EDA: variants seen among roughly 807,000 people sequenced by gnomAD.
The protein encoded by EDA is ectodysplasin-A.
In EDA, 2 loss-of-function variants were observed where a neutral mutation model predicts 23.6. The ratio of observed to expected loss-of-function variants is 0.08; its 90% confidence interval spans 0.03 to 0.27. The LOEUF (loss-of-function observed/expected upper bound fraction) is 0.27, where lower values mean the gene tolerates loss of function less well. Ranked by LOEUF, EDA falls within the 10% of genes least tolerant of loss-of-function variation. The probability of loss-of-function intolerance (pLI) is 1.00; values close to 1 mark genes in which losing one functional copy is unlikely to be tolerated. For missense variants in EDA, 229 were observed against 324.2 expected (o/e 0.71, Z 2.26); for synonymous variants, 131 against 132.0 (o/e 0.99, Z 0.05).
At chrX:69,856,215 C>A (rs749501586) in intron 1 of EDA, among the ~76,000 whole-genome samples, 9 of 104,721 alleles carry the variant, frequency 8.6e-5, no homozygotes, top group African/African-American at 2.5e-4. Context: ...CTGCAAATGC[C>A]ATTATTTCAT....
intron 1 of EDA, among the ~76,000 whole-genome samples, chrX:69,713,570 C>G (rs1185760105): frequency 8.9e-6 from 1 of 111,782 alleles, no homozygotes; most frequent in Non-Finnish European, 1.9e-5. Context: ...TCTCCTGTTT[C>G]TACAGTTTTG....
intron 1 of EDA, among the ~76,000 whole-genome samples, chrX:69,827,088 TC>T (rs1032650116): frequency 8.9e-6 from 1 of 112,038 alleles, no homozygotes; most frequent in African/African-American, 3.2e-5. Flanking sequence ...CTGATGGGCT[TC>T]CCTTTGAGGG....
At chrX:70,024,960 G>A (rs1034123500) in intron 3 of EDA, among the ~76,000 whole-genome samples, 2 of 111,768 alleles carry the variant, frequency 1.8e-5, no homozygotes, top group African/African-American at 6.5e-5. Context: ...TAAGGAAATC[G>A]AGAGAAGGGA....
In EDA at chrX:69,970,338, A is replaced by G. The variant is rs190069678; in HGVS notation, c.502+13206A>G. Among the ~76,000 whole-genome samples, 190 of 112,421 alleles carry G rather than the reference A, an allele frequency of 1.7e-3. 2 individuals carry two copies. The highest frequency in any genetic ancestry group is 5.1e-3 in the African/African-American group (157 of 30,995). On this transcript the variant is annotated intron_variant, in intron 2 of 7. Coordinates refer to ENST00000374552, the MANE Select transcript of EDA (RefSeq NM_001399.5). ...CTTCCTTTGATAAGACTTTATAAGG[A>G]CTAGAGATAAATTAAAATGCCTAAA...
intron 2 of EDA, among the ~76,000 whole-genome samples, chrX:70,020,545 C>A (rs1431512918): frequency 1.1e-4 from 11 of 96,703 alleles, no homozygotes; most frequent in Non-Finnish European, 2.1e-4. Flanking sequence ...CGCGACAGAG[C>A]GAGACTCCGT....
chrX:69,721,700 C>G (rs1334740285), intron 1 of EDA, among the ~76,000 whole-genome samples: 1 of 111,389 alleles, frequency 9.0e-6, no homozygotes, highest in Non-Finnish European at 1.9e-5. Flanking sequence ...AACACCAGGT[C>G]TAGGTGGTCT....
At chrX:69,648,593 C>T (rs1239302161) in intron 1 of EDA, among the ~76,000 whole-genome samples, 1 of 112,300 alleles carries the variant, frequency 8.9e-6, no homozygotes, top group Non-Finnish European at 1.9e-5. Context: ...TGGTGGCCGC[C>T]CCTCCCCACA....
intron 1 of EDA, among the ~76,000 whole-genome samples, chrX:69,692,736 G>A (rs1200527689): frequency 8.9e-6 from 1 of 111,861 alleles, no homozygotes; most frequent in African/African-American, 3.2e-5. Flanking sequence ...TAACAGGTCC[G>A]TTAAAGCTTT....
intron 1 of EDA, among the ~76,000 whole-genome samples, chrX:69,750,824 T>C (rs776045143): frequency 8.9e-4 from 100 of 112,349 alleles, no homozygotes; most frequent in Non-Finnish European, 1.7e-3. Flanking sequence ...ATGTCTTCTT[T>C]TGAGAAGTGT....
chrX:69,967,416 C>T (rs752019640), intron 2 of EDA, among the ~76,000 whole-genome samples: 86 of 111,220 alleles, frequency 7.7e-4, no homozygotes, highest in Non-Finnish European at 3.4e-4. Flanking sequence ...ATATAATGAT[C>T]GGGGAAGAAG....
chrX:69,860,151 G>A (rs1459680530), intron 1 of EDA, among the ~76,000 whole-genome samples: 1 of 111,385 alleles, frequency 9.0e-6, no homozygotes, highest in Non-Finnish European at 1.9e-5. Context: ...CTTGAAGACA[G>A]CATACCAATG....
At chrX:69,944,992 C>G (rs753821192) in intron 1 of EDA, among the ~76,000 whole-genome samples, 1 of 111,964 alleles carries the variant, frequency 8.9e-6, no homozygotes, top group South Asian at 3.7e-4. Context: ...AATCACTGTG[C>G]TCTCCCTCCC....
At chrX:69,656,983 A>G (rs1933341256) in intron 1 of EDA, among the ~76,000 whole-genome samples, 1 of 111,971 alleles carries the variant, frequency 8.9e-6, no homozygotes, top group South Asian at 3.7e-4. Flanking sequence ...TCTTTTTGGT[A>G]GAATGATTTA....
intron 1 of EDA, among the ~76,000 whole-genome samples, chrX:69,883,183 C>A (rs1221557788): frequency 8.9e-6 from 1 of 112,314 alleles, no homozygotes; most frequent in African/African-American, 3.2e-5. Flanking sequence ...TATAACATAT[C>A]TCCTCAAAGG....
intron 3 of EDA, among the ~76,000 whole-genome samples, chrX:70,026,816 GCTT>G (rs1420454053): frequency 7.2e-5 from 8 of 110,386 alleles, no homozygotes; most frequent in Non-Finnish European, 1.5e-4. Context: ...CTCTGTCTCT[GCTT>G]CTTTCCTGTT....
At chrX:69,696,998 G>A (rs2011369816) in intron 1 of EDA, among the ~76,000 whole-genome samples, 1 of 111,950 alleles carries the variant, frequency 8.9e-6, no homozygotes, top group Non-Finnish European at 1.9e-5. Context: ...AGAAATAGGT[G>A]AGTACAATAT....
intron 1 of EDA, among the ~76,000 whole-genome samples, chrX:69,877,786 A>G (rs1232379443): frequency 8.9e-6 from 1 of 112,268 alleles, no homozygotes; most frequent in Admixed American, 9.4e-5. Flanking sequence ...TTCCTTCTGG[A>G]TATTTTATAG....
At chrX:69,646,110 A>G (rs1932921698) in intron 1 of EDA, among the ~76,000 whole-genome samples, 1 of 111,485 alleles carries the variant, frequency 9.0e-6, no homozygotes, top group African/African-American at 3.3e-5. Flanking sequence ...TGCCAATTAT[A>G]TGATCAATTT....
intron 1 of EDA, among the ~76,000 whole-genome samples, chrX:69,822,646 T>A (rs1444692659): frequency 8.9e-6 from 1 of 112,102 alleles, no homozygotes; most frequent in East Asian, 2.8e-4. Context: ...TGTGGAAGAT[T>A]AGACTAAATA....
Sources: gnomAD v4.1 joint callset for allele counts (sites outside exome capture counted in the v4.1 genomes callset) on GRCh38, gnomAD v4.1.1 for gene constraint, MANE v1.5 for transcripts, NCBI Gene and HGNC (gene_info 2026-07-23, HGNC 2026-07-21) for gene names.